The following PDZRN3 variants were observed in gnomAD, a reference collection of about 807,000 sequenced individuals.
The protein encoded by PDZRN3 is E3 ubiquitin-protein ligase PDZRN3.
A neutral mutation model predicts 85.7 loss-of-function variants in PDZRN3; 38 were observed. The observed-to-expected ratio is 0.44, with a 90% confidence interval of 0.34 to 0.58. The LOEUF is 0.58. Ranked by LOEUF, PDZRN3 falls within the 20% of genes least tolerant of loss-of-function variation. The pLI is 0.01. For synonymous variants in PDZRN3, 759 were observed against 638.0 expected (o/e 1.19, Z -2.86); for missense variants, 1,629 against 1,506.4 (o/e 1.08, Z -1.35).
chr3:73,580,500 C>T (rs756285742), intron 3 of PDZRN3, among the ~76,000 whole-genome samples: 3 of 152,192 alleles, frequency 2.0e-5, no homozygotes, highest in Non-Finnish European at 4.4e-5. Context: ...TAGAGTGTTT[C>T]CCATTACTCT....
At chr3:73,528,885 A>AC (rs1704586802) in intron 3 of PDZRN3, among the ~76,000 whole-genome samples, 1 of 146,774 alleles carries the variant, frequency 6.8e-6, no homozygotes, top group Admixed American at 6.8e-5. Flanking sequence ...TTTTGTGGGA[A>AC]ACACACACAC....
intron 3 of PDZRN3, among the ~76,000 whole-genome samples, chr3:73,468,126 T>TA (rs943617896): frequency 2.0e-4 from 30 of 150,788 alleles, no homozygotes; most frequent in South Asian, 6.3e-4. Context: ...TAATAATAAT[T>TA]AAAAAAAAAG....
intron 3 of PDZRN3, among the ~76,000 whole-genome samples, chr3:73,482,146 T>G (rs911680198): frequency 6.6e-6 from 1 of 152,208 alleles, no homozygotes; most frequent in Non-Finnish European, 1.5e-5. Context: ...GACGCAGGTA[T>G]GAGATAGAAG....
At chr3:73,471,249 G>A (rs1367772413) in intron 3 of PDZRN3, among the ~76,000 whole-genome samples, 2 of 152,026 alleles carry the variant, frequency 1.3e-5, no homozygotes, top group African/African-American at 2.4e-5. Context: ...GCCCAGGAAC[G>A]CCAAAGCTTG....
intron 3 of PDZRN3, among the ~76,000 whole-genome samples, chr3:73,483,927 C>T (rs967096462): frequency 2.6e-5 from 4 of 152,032 alleles, no homozygotes; most frequent in African/African-American, 9.7e-5. Context: ...AGAACTTTAC[C>T]CATTAGGAAA....
chr3:73,624,251 CCAGCGCG>C lies in PDZRN3; in HGVS notation c.568_574del (p.Arg190GlyfsTer20). 1.4e-6 allele frequency: 2 copies of C among 1,452,898 alleles called. No homozygotes were observed. Among genetic ancestry groups the C allele is most frequent in the Non-Finnish European group, 1.8e-6 (2 of 1,108,730 alleles). 90.0% of individuals were successfully genotyped at this position (1,452,898 alleles called of 1,614,324 possible). A position where few individuals can be genotyped will look rare whatever the true frequency, so the allele number is the denominator to read the frequency against. On this transcript the variant is annotated frameshift_variant, in exon 1 of 10. Transcript: ENST00000263666. LOFTEE classifies it high-confidence loss of function. ...GGCCACCAGCGACTTCTCGCGCTTCCCAGCGCGCAGCGCCTCCTTCTTGAGCGCCTTG... is the reference window on the plus strand; with the variant it reads ...GGCCACCAGCGACTTCTCGCGCTTCCCAGCGCCTCCTTCTTGAGCGCCTTG...
At chr3:73,600,670 C>T (rs994658656) in intron 3 of PDZRN3, among the ~76,000 whole-genome samples, 10 of 152,122 alleles carry the variant, frequency 6.6e-5, no homozygotes, top group Non-Finnish European at 1.0e-4. Context: ...GAAAATCCTG[C>T]CCAGCTGTAG....
intron 8 of PDZRN3, among the ~76,000 whole-genome samples, chr3:73,386,075 C>A (rs1218277604): frequency 6.6e-6 from 1 of 151,902 alleles, no homozygotes; most frequent in East Asian, 1.9e-4. Flanking sequence ...TGCAGTAGGA[C>A]ACCTGTGTAG....
chr3:73,559,139 ACAACC>A (rs1325373721), intron 3 of PDZRN3, among the ~76,000 whole-genome samples: 1 of 152,224 alleles, frequency 6.6e-6, no homozygotes, highest in African/African-American at 2.4e-5. Context: ...GGGGGTTGTC[ACAACC>A]TTTCTCTGGC....
intron 5 of PDZRN3, among the ~76,000 whole-genome samples, chr3:73,393,583 G>C (rs1196695526): frequency 6.6e-6 from 1 of 152,204 alleles, no homozygotes; most frequent in Admixed American, 6.5e-5. Flanking sequence ...GTATTGGTTA[G>C]AGACAGACTG....
At chr3:73,602,034 G>A (rs936825038) in intron 3 of PDZRN3, among the ~76,000 whole-genome samples, 2 of 152,148 alleles carry the variant, frequency 1.3e-5, no homozygotes, top group South Asian at 2.1e-4. Context: ...AACAGGGTTC[G>A]TTCATCTGGT....
Position 73,520,224 on chromosome 3 carries a change from C to A in PDZRN3, c.918+82130G>T, listed in dbSNP as rs563633690. ...TTAGCTATATCAAGAGTAAACTAGG[C>A]CAGGTGTGGTGGCTCACACCTGTAA... On this transcript the variant is annotated intron_variant, in intron 3 of 9. Coordinates refer to ENST00000263666, the MANE Select transcript of PDZRN3 (RefSeq NM_015009.3). 5.3e-5 allele frequency among the ~76,000 whole-genome samples: 8 copies of A among 152,212 alleles called. No individual in the cohort carries two copies. In the East Asian group the frequency reaches 1.5e-3, roughly 29 times the overall value.
At chr3:73,455,317 G>A (rs369380433) in intron 3 of PDZRN3, among the ~76,000 whole-genome samples, 39 of 152,150 alleles carry the variant, frequency 2.6e-4, no homozygotes, top group Admixed American at 1.4e-3. Flanking sequence ...TAGAAAGTTA[G>A]GTACCCTAAC....
At chr3:73,394,193 G>A (rs983010441) in intron 5 of PDZRN3, among the ~76,000 whole-genome samples, 1 of 152,026 alleles carries the variant, frequency 6.6e-6, no homozygotes, top group Non-Finnish European at 1.5e-5. Context: ...CTTTTTATAC[G>A]TTGCCACTAA....
At chr3:73,539,261 T>C (rs1704858484) in intron 3 of PDZRN3, among the ~76,000 whole-genome samples, 2 of 152,194 alleles carry the variant, frequency 1.3e-5, no homozygotes, top group Admixed American at 1.3e-4. Flanking sequence ...CAAAATATTG[T>C]TGAAGGAAGA....
intron 3 of PDZRN3, among the ~76,000 whole-genome samples, chr3:73,592,783 G>A (rs1702377203): frequency 6.6e-6 from 1 of 152,120 alleles, no homozygotes; most frequent in African/African-American, 2.4e-5. Flanking sequence ...TGGCATAATT[G>A]CAAATCAGTG....
At chr3:73,545,512 T>G (rs1330300655) in intron 3 of PDZRN3, among the ~76,000 whole-genome samples, 1 of 152,130 alleles carries the variant, frequency 6.6e-6, no homozygotes, top group Admixed American at 6.5e-5. Flanking sequence ...GCCTGGGACA[T>G]AACAGCAATT....
chr3:73,575,974 G>A (rs1374717655), intron 3 of PDZRN3, among the ~76,000 whole-genome samples: 2 of 152,150 alleles, frequency 1.3e-5, no homozygotes, highest in East Asian at 1.9e-4. Context: ...ACAGAGAGGG[G>A]CAGGGGGATG....
At chr3:73,460,275 G>A (rs748875868) in intron 3 of PDZRN3, among the ~76,000 whole-genome samples, 11 of 152,136 alleles carry the variant, frequency 7.2e-5, no homozygotes, top group African/African-American at 2.7e-4. Context: ...GTGAGAGTGC[G>A]ATGACAGGGC....
Sources: gnomAD v4.1 joint callset for allele counts (sites outside exome capture counted in the v4.1 genomes callset) on GRCh38, gnomAD v4.1.1 for gene constraint, MANE v1.5 for transcripts, NCBI Gene and HGNC (gene_info 2026-07-23, HGNC 2026-07-21) for gene names.